Variants in P2RX5 observed in about 807,000 individuals in gnomAD.
P2RX5 encodes the protein P2X purinoceptor 5.
P2RX5 carries 46 observed loss-of-function variants against 54.1 expected under a neutral mutation model. That is an observed-to-expected ratio of 0.85 (90% confidence interval 0.67 to 1.09). P2RX5 has a LOEUF of 1.09. Ranked by LOEUF, P2RX5 falls within the 50% of genes least tolerant of loss-of-function variation. The pLI, the probability that P2RX5 is intolerant of heterozygous loss-of-function variation, is 0.00. For missense variants in P2RX5, 566 were observed against 549.8 expected, an observed-to-expected ratio of 1.03 and a Z score of -0.29; for synonymous variants, 226 against 226.4, an observed-to-expected ratio of 1.00 and a Z score of 0.02.
chr17:3,698,749 G>A (rs1369084770), upstream of P2RX5, among the ~76,000 whole-genome samples: 1 of 152,032 alleles, frequency 6.6e-6, no homozygotes, highest in Non-Finnish European at 1.5e-5. Flanking sequence ...TGACGGAACT[G>A]TCCTGAAGCT....
At chr17:3,680,656 TCCACC>T (rs1374127091) in intron 10 of P2RX5, among the ~76,000 whole-genome samples, 1 of 83,490 alleles carries the variant, frequency 1.2e-5, no homozygotes, top group African/African-American at 5.4e-5. Context: ...TCCTGGGTCC[TCCACC>T]CTGCAGGCCA....
chr17:3,713,091 C>T, the P2RX5 span, among the ~76,000 whole-genome samples: 2 of 152,238 alleles, frequency 1.3e-5, 1 homozygote, highest in South Asian at 4.1e-4. Flanking sequence ...AGGTCAGGCG[C>T]AGTGGCTCAC....
the P2RX5 span, chr17:3,720,604 T>TG: frequency 2.5e-6 from 1 of 404,824 alleles, no homozygotes; most frequent in South Asian, 2.9e-5. Context: ...TTTTTTGAGA[T>TG]GGAGTTTCGC....
intron 11 of P2RX5, among the ~76,000 whole-genome samples, chr17:3,674,749 C>T (rs2050063282): frequency 6.6e-6 from 1 of 152,224 alleles, no homozygotes; most frequent in Non-Finnish European, 1.5e-5. Context: ...AATGCTTCCC[C>T]CTCACCTAGT....
chr17:3,707,588 G>A, the P2RX5 span, among the ~76,000 whole-genome samples: 6 of 152,066 alleles, frequency 3.9e-5, no homozygotes, highest in Non-Finnish European at 5.9e-5. Context: ...GAAAGATCAC[G>A]CCGAGAAACC....
chr17:3,694,617 CT>C (rs1336602799), intron 1 of P2RX5, among the ~76,000 whole-genome samples: 2 of 152,260 alleles, frequency 1.3e-5, no homozygotes, highest in Admixed American at 6.5e-5. Flanking sequence ...AGAGCCCCCC[CT>C]GAGACCCCGA....
chr17:3,676,502 C>G lies in P2RX5; in HGVS notation c.1260-2625G>C, dbSNP rs1004075199. ...GTATTACCCAGTCAAAATATTGTAA[C>G]TTAAATCAGCTGAGCATACTGCTGC... On this transcript the variant is annotated intron_variant, in intron 11 of 11. Coordinates refer to ENST00000225328, the MANE Select transcript of P2RX5 (RefSeq NM_002561.4). 3.0e-6 allele frequency: 3 copies of G among 985,140 alleles called. No individual in the cohort carries two copies. The African/African-American group carries it at 5.2e-5, about 17-fold the overall frequency. 61.0% of individuals were successfully genotyped at this position (985,140 alleles called of 1,614,324 possible).
chr17:3,688,159 A>C (rs78411513), intron 8 of P2RX5, 54 bp from the exon 9 acceptor site: 20,017 of 950,850 alleles, frequency 0.021, 1,014 homozygotes, highest in African/African-American at 0.16. Flanking sequence ...TTCCCTCTTT[A>C]GGCAGCACTG....
the P2RX5 span, among the ~76,000 whole-genome samples, chr17:3,721,091 G>A: frequency 6.6e-6 from 1 of 151,368 alleles, no homozygotes; most frequent in South Asian, 2.1e-4. Context: ...ACCACACTGG[G>A]CTAATTTTTG....
chr17:3,706,220 C>T, the P2RX5 span, among the ~76,000 whole-genome samples: 3 of 151,470 alleles, frequency 2.0e-5, no homozygotes. Flanking sequence ...CCCAAAGTGC[C>T]GGGATTACAG....
the P2RX5 span, chr17:3,717,420 T>A: frequency 6.6e-6 from 1 of 152,358 alleles, no homozygotes; most frequent in Admixed American, 6.5e-5. Flanking sequence ...TTAGAAGTCA[T>A]CCGCAGGTTT....
intron 11 of P2RX5, 70 bp from the exon 12 acceptor site, chr17:3,673,947 G>T: frequency 7.2e-7 from 1 of 1,394,448 alleles, no homozygotes; most frequent in Non-Finnish European, 1.0e-6. Flanking sequence ...GGCAACCAGT[G>T]CCCAGGGAGA....
chr17:3,706,885 C>T, the P2RX5 span, among the ~76,000 whole-genome samples: 5 of 152,224 alleles, frequency 3.3e-5, no homozygotes, highest in Admixed American at 6.5e-5. Flanking sequence ...GCTGGGATTA[C>T]AGGCGTGCGC....
chr17:3,692,734 C>T (rs898325395), intron 1 of P2RX5, among the ~76,000 whole-genome samples: 1 of 152,012 alleles, frequency 6.6e-6, no homozygotes, highest in Non-Finnish European at 1.5e-5. Context: ...CCCAGCTACT[C>T]GGGAGGCTGA....
the P2RX5 span, among the ~76,000 whole-genome samples, chr17:3,701,636 G>A: frequency 7.1e-6 from 1 of 140,002 alleles, no homozygotes; most frequent in Admixed American, 7.6e-5. Flanking sequence ...AGGTTGTGAT[G>A]AGCAGAGTTC....
the P2RX5 span, among the ~76,000 whole-genome samples, chr17:3,701,498 G>A: frequency 6.6e-6 from 1 of 152,176 alleles, no homozygotes; most frequent in East Asian, 1.9e-4. Flanking sequence ...TTCGAGACCA[G>A]CCTGAACAAT....
At chr17:3,714,984 A>G in the P2RX5 span, 1 of 1,214,514 alleles carries the variant, frequency 8.2e-7, no homozygotes. Context: ...GGCCAAAGAT[A>G]GCCATCTGTT....
At chr17:3,702,526 A>G in the P2RX5 span, among the ~76,000 whole-genome samples, 3 of 151,734 alleles carry the variant, frequency 2.0e-5, no homozygotes, top group East Asian at 5.8e-4. Flanking sequence ...TTCACAATAA[A>G]TCTTGCTGCT....
At chr17:3,691,491 G>T (rs1055266602) in intron 2 of P2RX5, among the ~76,000 whole-genome samples, 153 bp downstream of exon 2, 1 of 152,216 alleles carries the variant, frequency 6.6e-6, no homozygotes, top group East Asian at 1.9e-4. Flanking sequence ...GTAGGATCTG[G>T]ACAGGGTTGC....
Sources: gnomAD v4.1 joint callset for allele counts (sites outside exome capture counted in the v4.1 genomes callset) on GRCh38, gnomAD v4.1.1 for gene constraint, MANE v1.5 for transcripts, NCBI Gene and HGNC (gene_info 2026-07-23, HGNC 2026-07-21) for gene names.